The following MRPL21 variants were observed in gnomAD, a reference collection of about 807,000 sequenced individuals.
MRPL21 encodes the protein mitochondrial ribosomal protein L21.
MRPL21 carries 20 observed loss-of-function variants against 27.3 expected under a neutral mutation model. The observed-to-expected ratio is 0.73, with a 90% CI of 0.52 to 1.06. The LOEUF is 1.06. Among genes scored for constraint, MRPL21 ranks in the 50% least tolerant of loss-of-function variants. The pLI, the probability that MRPL21 is intolerant of heterozygous loss-of-function variation, is 0.00. For missense variants in MRPL21, 249 were observed against 251.4 expected, an observed-to-expected ratio of 0.99 and a Z score of 0.06; for synonymous variants, 98 against 101.5, an observed-to-expected ratio of 0.97 and a Z score of 0.21.
intron 6 of MRPL21, 80 bp downstream of exon 6, chr11:68,892,810 G>A (rs1165199072): frequency 5.1e-6 from 8 of 1,564,152 alleles, no homozygotes; most frequent in Admixed American, 3.9e-5. Context: ...CGAGACCCAC[G>A]TGCCCCACAC....
chr11:68,902,570 C>T (rs1857978998), intron 1 of MRPL21, among the ~76,000 whole-genome samples: 1 of 152,206 alleles, frequency 6.6e-6, no homozygotes, highest in Admixed American at 6.5e-5. Context: ...GTCCCCTGTC[C>T]ATGTGCCCAC....
At chr11:68,898,101 A>G (rs947771970) in intron 2 of MRPL21, 89 bp from the exon 3 acceptor site, 6 of 1,095,096 alleles carry the variant, frequency 5.5e-6, no homozygotes, top group Non-Finnish European at 8.3e-6. Flanking sequence ...AAATGTTAGG[A>G]AGGGATCCCC....
intron 4 of MRPL21, among the ~76,000 whole-genome samples, chr11:68,895,036 G>A (rs541730351): frequency 5.6e-4 from 85 of 152,136 alleles, no homozygotes; most frequent in African/African-American, 1.7e-3. Flanking sequence ...AGGCCGAGGC[G>A]GGCAGACTGC....
rs569089755 is a variant in MRPL21, at chr11:68,897,413, C to T, written c.232+514G>A. Among the ~76,000 whole-genome samples the T allele has an allele frequency of 6.6e-5, 10 of 152,332 alleles. 1 individual carries two copies. The South Asian group carries it at 1.7e-3, about 25-fold the overall frequency. The stretch of plus-strand genomic sequence containing the variant: ...AAACTCTTGGCAGACTTGTTTCACT[C>T]GCACGGAATCTCAAACGGTATTTAA... On this transcript the variant is annotated intron_variant, in intron 3 of 6. Transcript: ENST00000362034.
intron 4 of MRPL21, among the ~76,000 whole-genome samples, chr11:68,894,991 G>A (rs1368999936): frequency 3.3e-5 from 5 of 152,230 alleles, no homozygotes; most frequent in African/African-American, 1.2e-4. Flanking sequence ...CAGGCCGGGC[G>A]TGGTGGCTCA....
Position 68,903,805 on chromosome 11 carries a change from T to C in MRPL21, c.6A>G (p.Ala2=), listed in dbSNP as rs1487585672. ...CTAAGGTGACCGTCAGGGAAGATGC[T>C]GCCATGGCCGCAGCCTCGGCCGGAA... M[A]ASSLTVTLGR... The change falls in exon 1 of 7, where the codon GCA becomes GCG. Residue 2 remains alanine (A), a synonymous_variant. Transcript: ENST00000362034. 3.9e-6 allele frequency: 5 copies of C among 1,275,714 alleles called. No individual in the cohort carries two copies. The highest frequency in any genetic ancestry group is 2.5e-5 in the East Asian group (1 of 40,538). The allele number at this position is 1,275,714 out of a possible 1,614,324, so 79.0% of individuals were successfully genotyped here.
intron 3 of MRPL21, 191 bp from the exon 4 acceptor site, chr11:68,896,869 T>C (rs569975295): frequency 3.1e-6 from 2 of 648,364 alleles, no homozygotes; most frequent in East Asian, 5.5e-5. Context: ...ACAGGGTCAG[T>C]CTGCTGCTTC....
intron 4 of MRPL21, 133 bp from the exon 5 acceptor site, chr11:68,893,588 GCTGT>G (rs1857706769): frequency 8.4e-7 from 1 of 1,184,366 alleles, no homozygotes; most frequent in East Asian, 2.6e-5. Flanking sequence ...AATTTCATCT[GCTGT>G]CTAATGATCT....
intron 4 of MRPL21, 159 bp downstream of exon 4, chr11:68,896,356 G>T: frequency 1.1e-6 from 1 of 909,768 alleles, no homozygotes; most frequent in Non-Finnish European, 1.7e-6. Flanking sequence ...CCCCAGCCCC[G>T]CCGTGGGCGC....
chr11:68,897,745 GA>G (rs1249187037), intron 3 of MRPL21, 181 bp downstream of exon 3: 7 of 600,226 alleles, frequency 1.2e-5, no homozygotes, highest in Non-Finnish European at 2.1e-5. Context: ...AGTAGTTAAT[GA>G]AAAACATCTG....
chr11:68,893,138 C>T (rs1394655730), intron 5 of MRPL21, 145 bp from the exon 6 acceptor site: 11 of 1,325,784 alleles, frequency 8.3e-6, no homozygotes, highest in East Asian at 7.6e-5. Flanking sequence ...TTGAAAACCA[C>T]GAAAAAGGAC....
chr11:68,895,340 T>C (rs1857761811), intron 4 of MRPL21, among the ~76,000 whole-genome samples: 1 of 151,908 alleles, frequency 6.6e-6, no homozygotes, highest in African/African-American at 2.4e-5. Flanking sequence ...AGCTGAAGGC[T>C]AGAAATGCCT....
intron 2 of MRPL21, among the ~76,000 whole-genome samples, chr11:68,899,707 A>G (rs1035075670): frequency 4.6e-5 from 7 of 152,202 alleles, no homozygotes; most frequent in African/African-American, 1.7e-4. Flanking sequence ...CCACATGCTC[A>G]CTTACAACTT....
chr11:68,898,834 C>T (rs650398), intron 2 of MRPL21, among the ~76,000 whole-genome samples: 5,240 of 152,218 alleles, frequency 0.034, 297 homozygotes, highest in African/African-American at 0.12. Context: ...GTCACCCAGG[C>T]TAGAGTGCGG....
At chr11:68,902,634 C>A (rs1857982843) in intron 1 of MRPL21, among the ~76,000 whole-genome samples, 2 of 152,314 alleles carry the variant, frequency 1.3e-5, no homozygotes, top group African/African-American at 2.4e-5. Flanking sequence ...AATTGATGAA[C>A]CTACATTGAC....
In MRPL21 at chr11:68,892,997, G is replaced by T. The variant is rs1379287550; in HGVS notation, c.450-4C>A. 6.4e-7 allele frequency: 1 copy of T among 1,564,542 alleles called. No homozygotes were observed. The highest frequency in any genetic ancestry group is 1.4e-5 in the African/African-American group (1 of 72,866). Reference sequence around the variant, plus strand: ...TTCTACTCGAACAAGATCCTTTCTAGAAGGAAGAAAAATCAACAATAATGT... The same window carrying T: ...TTCTACTCGAACAAGATCCTTTCTATAAGGAAGAAAAATCAACAATAATGT... On this transcript the variant is annotated splice_polypyrimidine_tract_variant and splice_region_variant and intron_variant, in intron 5 of 6. Coordinates refer to ENST00000362034, the MANE Select transcript of MRPL21 (RefSeq NM_181514.2).
chr11:68,903,367 G>A (rs1225845988), intron 1 of MRPL21, among the ~76,000 whole-genome samples: 1 of 152,152 alleles, frequency 6.6e-6, no homozygotes, highest in Admixed American at 6.5e-5. Context: ...CGCAGCCTGG[G>A]GGCAGTGGTT....
intron 1 of MRPL21, 100 bp downstream of exon 1, chr11:68,903,623 C>T: frequency 8.0e-7 from 1 of 1,251,654 alleles, no homozygotes; most frequent in South Asian, 1.2e-5. Context: ...ATGCGATCAA[C>T]ACACAAGGCA....
chr11:68,900,527 A>G, intron 2 of MRPL21, 21 bp downstream of exon 2: 2 of 1,611,056 alleles, frequency 1.2e-6, no homozygotes, highest in East Asian at 2.2e-5. Flanking sequence ...AGAGGCACCA[A>G]AACCCACATT....
Sources: gnomAD v4.1 joint callset for allele counts (sites outside exome capture counted in the v4.1 genomes callset) on GRCh38, gnomAD v4.1.1 for gene constraint, MANE v1.5 for transcripts, NCBI Gene and HGNC (gene_info 2026-07-23, HGNC 2026-07-21) for gene names.